The following EYS variants were observed in gnomAD, a reference collection of about 807,000 sequenced individuals.
EYS encodes protein eyes shut homolog.
EYS carries 250 observed loss-of-function variants against 282.1 expected under a neutral mutation model. That is an observed-to-expected ratio of 0.89 (90% CI 0.80 to 0.98). The LOEUF is 0.98. Ranked by LOEUF, EYS falls within the 50% of genes least tolerant of loss-of-function variation. EYS has a pLI of 0.00. For missense variants in EYS, 4,016 were observed against 3,709.0 expected, an observed-to-expected ratio of 1.08 and a Z score of -2.15; for synonymous variants, 1,355 against 1,282.9, an observed-to-expected ratio of 1.06 and a Z score of -1.20.
At chr6:64,417,965 C>A (rs1582727622) in intron 28 of EYS, among the ~76,000 whole-genome samples, 1 of 152,136 alleles carries the variant, frequency 6.6e-6, no homozygotes, top group East Asian at 1.9e-4. Context: ...AGCCACTGCG[C>A]CTGGCCTACG....
chr6:64,771,403 G>T (rs1015941893), intron 22 of EYS, among the ~76,000 whole-genome samples: 1 of 151,300 alleles, frequency 6.6e-6, no homozygotes, highest in African/African-American at 2.4e-5. Context: ...TATTGATTTT[G>T]ATTTCTATTT....
chr6:64,566,361 C>T (rs1334936702), intron 26 of EYS, among the ~76,000 whole-genome samples: 3 of 152,150 alleles, frequency 2.0e-5, no homozygotes, highest in Admixed American at 2.0e-4. Flanking sequence ...AGAAAGTTTA[C>T]AAACAGTGCC....
chr6:63,810,042 C>A (rs1322157463), intron 36 of EYS, among the ~76,000 whole-genome samples: 1 of 148,936 alleles, frequency 6.7e-6, no homozygotes, highest in Non-Finnish European at 1.5e-5. Flanking sequence ...GAGATCCAGA[C>A]CATACTGGCT....
chr6:65,123,524 C>T (rs1415012945), intron 12 of EYS, among the ~76,000 whole-genome samples: 5 of 152,054 alleles, frequency 3.3e-5, no homozygotes, highest in Non-Finnish European at 5.9e-5. Context: ...AGAGCTTGAC[C>T]TTCTAAGACA....
chr6:64,553,673 A>T (rs1179872366), intron 26 of EYS, among the ~76,000 whole-genome samples: 1 of 151,492 alleles, frequency 6.6e-6, no homozygotes, highest in East Asian at 2.0e-4. Context: ...AAGTATCCTG[A>T]GTTAACTCTG....
chr6:63,980,694 T>C (rs1017653499), intron 35 of EYS, among the ~76,000 whole-genome samples: 1 of 152,008 alleles, frequency 6.6e-6, no homozygotes, highest in South Asian at 2.1e-4. Flanking sequence ...GCATCCAATT[T>C]CTTCTTTTGA....
intron 22 of EYS, among the ~76,000 whole-genome samples, chr6:64,703,536 G>A (rs1420692939): frequency 6.7e-6 from 1 of 148,238 alleles, no homozygotes; most frequent in Non-Finnish European, 1.5e-5. Flanking sequence ...GGGTTCAAGT[G>A]ATTCTTCTGC....
At chr6:65,692,076 C>T (rs893698803) in intron 1 of EYS, among the ~76,000 whole-genome samples, 1 of 150,188 alleles carries the variant, frequency 6.7e-6, no homozygotes, top group Admixed American at 6.7e-5. Flanking sequence ...TAAACACAGA[C>T]CATGCAATAC....
intron 5 of EYS, among the ~76,000 whole-genome samples, chr6:65,478,639 C>A (rs1765492115): frequency 6.6e-6 from 1 of 152,026 alleles, no homozygotes; most frequent in South Asian, 2.1e-4. Context: ...AAGTCAGGAC[C>A]ACTTTACAAG....
chr6:63,880,455 C>CTCTG (rs967281939), intron 35 of EYS, among the ~76,000 whole-genome samples: 3 of 148,740 alleles, frequency 2.0e-5, no homozygotes, highest in African/African-American at 5.0e-5. Flanking sequence ...CCCATTATAT[C>CTCTG]TCTGTCTATC....
chr6:64,371,393 G>T (rs1772366253), intron 29 of EYS, among the ~76,000 whole-genome samples: 1 of 148,622 alleles, frequency 6.7e-6, no homozygotes, highest in Non-Finnish European at 1.5e-5. Flanking sequence ...GAACAATTTT[G>T]GGTTTTTAGA....
intron 35 of EYS, among the ~76,000 whole-genome samples, chr6:63,893,270 T>G (rs1023874445): frequency 6.6e-6 from 1 of 152,188 alleles, no homozygotes. Flanking sequence ...TAAAGACACA[T>G]GCACACATAT....
At chr6:64,019,826 ATATATATATATATGTATATATAAG>A (rs1408320763) in intron 33 of EYS, among the ~76,000 whole-genome samples, 8 of 136,676 alleles carry the variant, frequency 5.9e-5, no homozygotes, top group Non-Finnish European at 9.2e-5. Flanking sequence ...ATATATAAGT[ATATATATATATATGTATATATAAG>A]TATATATATA....
At chr6:65,405,388 G>GAGAA (rs1554192996) in intron 5 of EYS, 21 bp from the exon 6 acceptor site, 124 of 1,485,282 alleles carry the variant, frequency 8.3e-5, no homozygotes, top group African/African-American at 2.3e-4. Context: ...TCACACACAA[G>GAGAA]AAAAAAAAAG....
At chr6:65,016,568 T>A (rs1031410388) in intron 13 of EYS, among the ~76,000 whole-genome samples, 1 of 152,208 alleles carries the variant, frequency 6.6e-6, no homozygotes, top group Non-Finnish European at 1.5e-5. Flanking sequence ...AATCTTTCTG[T>A]GCAAGAGGCA....
At position 64,553,556 on chromosome 6, in the gene EYS, C is replaced by CCT. The variant is rs1554177884; in HGVS notation, c.5644+36666_5644+36667insAG. ...GTGACTTTTGTTTGACCCCCCCCCC[C>CCT]CCATAGGCAGTTACAAGGCAAATGT... On this transcript the variant is annotated intron_variant, in intron 26 of 42. Coordinates refer to ENST00000503581, the MANE Select transcript of EYS (RefSeq NM_001142800.2). Among the ~76,000 whole-genome samples, 8 of 137,378 alleles carry CCT rather than the reference C, an allele frequency of 5.8e-5. 1 individual carries two copies. Among genetic ancestry groups the CCT allele is most frequent in the Non-Finnish European group, 7.9e-5 (5 of 63,332 alleles). The allele number at this position is 137,378 out of a possible 152,430, so 90.1% of individuals were successfully genotyped here.
At chr6:64,883,091 A>G (rs1027131677) in intron 19 of EYS, among the ~76,000 whole-genome samples, 1 of 151,118 alleles carries the variant, frequency 6.6e-6, no homozygotes, top group African/African-American at 2.4e-5. Flanking sequence ...ATAACCAAAA[A>G]TGTACAATTG....
intron 33 of EYS, among the ~76,000 whole-genome samples, chr6:64,025,646 A>G (rs1244099884): frequency 6.6e-6 from 1 of 152,124 alleles, no homozygotes; most frequent in East Asian, 1.9e-4. Flanking sequence ...GCTCCGTCAT[A>G]GTGGGGACTA....
intron 28 of EYS, 120 bp from the exon 29 acceptor site, chr6:64,388,960 A>C (rs1773007501): frequency 3.0e-6 from 2 of 669,806 alleles, no homozygotes; most frequent in Non-Finnish European, 4.4e-6. Context: ...ACAATAAAAC[A>C]AAGCCAGAAG....
Sources: gnomAD v4.1 joint callset for allele counts (sites outside exome capture counted in the v4.1 genomes callset) on GRCh38, gnomAD v4.1.1 for gene constraint, MANE v1.5 for transcripts, NCBI Gene and HGNC (gene_info 2026-07-23, HGNC 2026-07-21) for gene names.